NRG1: variants seen among roughly 807,000 people sequenced by gnomAD.
The protein encoded by NRG1 is neuregulin 1.
NRG1 carries 18 observed loss-of-function variants against 63.8 expected under a neutral mutation model. That is an observed-to-expected ratio of 0.28 (90% confidence interval 0.19 to 0.42). NRG1 has a LOEUF of 0.42. NRG1 is among the 10% of genes least tolerant of loss of function. NRG1 has a pLI of 1.00. For synonymous variants in NRG1, 302 were observed against 301.3 expected, an observed-to-expected ratio of 1.00 and a Z score of -0.02; for missense variants, 762 against 814.7, an observed-to-expected ratio of 0.94 and a Z score of 0.79.
chr8:31,828,566 C>T lies in NRG1; in HGVS notation c.37+189135C>T, dbSNP rs539885485. Among the ~76,000 whole-genome samples, 13 of 152,240 alleles carry T rather than the reference C, an allele frequency of 8.5e-5. No homozygotes were observed. The East Asian group carries it at 1.7e-3, about 20-fold the overall frequency. On this transcript the variant is annotated intron_variant, in intron 1 of 10. Transcript: ENST00000519301. ...GGTCTCCTCTGGTGTAAACACCACC[C>T]GCGCTCTGTCCAACAGCATAAGCTA...
At chr8:32,119,975 A>G (rs1156429455) in intron 1 of NRG1, among the ~76,000 whole-genome samples, 1 of 152,064 alleles carries the variant, frequency 6.6e-6, no homozygotes, top group Admixed American at 6.6e-5. Flanking sequence ...TCAAAGTCCT[A>G]TTCTTGTTTT....
chr8:32,482,963 A>G (rs1253147821), intron 1 of NRG1, among the ~76,000 whole-genome samples: 1 of 152,246 alleles, frequency 6.6e-6, no homozygotes, highest in African/African-American at 2.4e-5. Flanking sequence ...ATTTGAGACA[A>G]GGCTTTGATC....
intron 1 of NRG1, among the ~76,000 whole-genome samples, chr8:31,742,455 ATTTTT>A (rs36040084): frequency 3.5e-4 from 28 of 80,022 alleles, no homozygotes; most frequent in Admixed American, 5.6e-4. Context: ...TTTTTTAAGA[ATTTTT>A]TTTTTTTTTT....
In NRG1 at chr8:32,354,293, C is replaced by A. The variant is rs1055260458; in HGVS notation, c.38-241535C>A. Among the ~76,000 whole-genome samples the A allele has an allele frequency of 2.6e-5, 4 of 151,994 alleles. No homozygotes were observed. The South Asian group carries it at 8.3e-4, about 32-fold the overall frequency. On this transcript the variant is annotated intron_variant, in intron 1 of 10. Coordinates refer to the NRG1 transcript ENST00000519301. Reference sequence around the variant, plus strand: ...CTGAGGCAGGAGAATCGCTAGAACCCGGGAGGCAGAGGTTGCAGTGAGCCG... The same window carrying A: ...CTGAGGCAGGAGAATCGCTAGAACCAGGGAGGCAGAGGTTGCAGTGAGCCG...
chr8:32,694,284 G>A (rs867864845), intron 5 of NRG1, among the ~76,000 whole-genome samples: 13 of 152,106 alleles, frequency 8.5e-5, no homozygotes, highest in African/African-American at 1.9e-4. Context: ...GATGTTCATC[G>A]TAATACTTTG....
rs542602885 is a variant in NRG1, at chr8:32,433,693, A to G, written c.38-162135A>G. Among the ~76,000 whole-genome samples, 16 of 152,296 alleles carry G rather than the reference A, an allele frequency of 1.1e-4. No individual in the cohort carries two copies. In the East Asian group the frequency reaches 3.1e-3, roughly 29 times the overall value. On this transcript the variant is annotated intron_variant, in intron 1 of 10. Coordinates refer to the NRG1 transcript ENST00000519301. Reference sequence around the variant, plus strand: ...GCCCGGCAACACAGAAACAATTCTCATCTATGCAGCTCTAAATGGATGTTA... The same window carrying G: ...GCCCGGCAACACAGAAACAATTCTCGTCTATGCAGCTCTAAATGGATGTTA...
chr8:32,493,687 G>A (rs1826863858), intron 1 of NRG1, among the ~76,000 whole-genome samples: 1 of 152,172 alleles, frequency 6.6e-6, no homozygotes, highest in Admixed American at 6.5e-5. Context: ...TCCATTGCCA[G>A]CATCTTTATT....
rs145713902 is a variant in NRG1, at chr8:31,750,873, T to C, written c.37+111442T>C. 4.3e-4 allele frequency among the ~76,000 whole-genome samples: 66 copies of C among 152,074 alleles called. No individual in the cohort carries two copies. In the Middle Eastern group the frequency reaches 0.024, roughly 55 times the overall value. On this transcript the variant is annotated intron_variant, in intron 1 of 10. Transcript: ENST00000519301. ...ACCTCCCTGGTTCCCAGCGTGCTTATATAATTTGACAATATCTTTTGGAGC... is the reference window on the plus strand; with the variant it reads ...ACCTCCCTGGTTCCCAGCGTGCTTACATAATTTGACAATATCTTTTGGAGC...
chr8:32,061,033 T>A (rs1823762844), intron 1 of NRG1, among the ~76,000 whole-genome samples: 1 of 151,974 alleles, frequency 6.6e-6, no homozygotes, highest in Admixed American at 6.6e-5. Context: ...ACTTCTTTTG[T>A]GTTCTGCTAA....
chr8:32,600,332 AC>A (rs1844116903), intron 2 of NRG1, among the ~76,000 whole-genome samples: 2 of 151,528 alleles, frequency 1.3e-5, no homozygotes, highest in African/African-American at 4.8e-5. Context: ...TTGGACACAC[AC>A]ACACACACAC....
intron 1 of NRG1, among the ~76,000 whole-genome samples, chr8:31,676,864 A>G (rs1286193278): frequency 6.6e-6 from 1 of 152,196 alleles, no homozygotes; most frequent in East Asian, 1.9e-4. Context: ...CTACATGGGA[A>G]GTTGTAGAAA....
At chr8:32,456,874 A>G (rs959903098) in intron 1 of NRG1, among the ~76,000 whole-genome samples, 1 of 152,090 alleles carries the variant, frequency 6.6e-6, no homozygotes, top group Non-Finnish European at 1.5e-5. Flanking sequence ...ACTCACGTCT[A>G]TCATCCCAGC....
At chr8:32,309,283 A>G (rs1438256077) in intron 1 of NRG1, among the ~76,000 whole-genome samples, 2 of 152,126 alleles carry the variant, frequency 1.3e-5, no homozygotes, top group Non-Finnish European at 2.9e-5. Context: ...TACACTTAAC[A>G]AAGTAACGCT....
chr8:32,271,452 G>A (rs1240072638), intron 1 of NRG1, among the ~76,000 whole-genome samples: 2 of 152,074 alleles, frequency 1.3e-5, no homozygotes, highest in African/African-American at 4.8e-5. Flanking sequence ...TAAATTCCTG[G>A]GCGAGTTGGG....
intron 1 of NRG1, among the ~76,000 whole-genome samples, chr8:31,689,218 T>C (rs1328484445): frequency 6.6e-6 from 1 of 152,168 alleles, no homozygotes; most frequent in Non-Finnish European, 1.5e-5. Context: ...CCATGTAACA[T>C]AACACATTCA....
intron 1 of NRG1, among the ~76,000 whole-genome samples, chr8:32,092,579 G>A (rs993225073): frequency 6.6e-6 from 1 of 152,176 alleles, no homozygotes; most frequent in East Asian, 1.9e-4. Context: ...GCAGAGCTGC[G>A]GGAGCTCCGG....
intron 1 of NRG1, among the ~76,000 whole-genome samples, chr8:31,660,008 G>T (rs1805813818): frequency 6.6e-6 from 1 of 152,112 alleles, no homozygotes; most frequent in Non-Finnish European, 1.5e-5. Context: ...TCTCAGAGGG[G>T]TTACGGAATT....
intron 7 of NRG1, chr8:32,749,333 CAG>C: frequency 1.7e-6 from 1 of 597,272 alleles, no homozygotes; most frequent in Non-Finnish European, 3.0e-6. Context: ...AATAAAGACA[CAG>C]TGTGCTGGTA....
At chr8:31,919,313 A>G (rs116386030) in intron 1 of NRG1, among the ~76,000 whole-genome samples, 2,627 of 151,694 alleles carry the variant, frequency 0.017, 68 homozygotes, top group African/African-American at 0.059. Context: ...TTTTGGTTAC[A>G]GTTTCTTTGA....
Sources: allele counts gnomAD v4.1 joint callset (sites outside exome capture counted in the v4.1 genomes callset), GRCh38; gene constraint gnomAD v4.1.1; transcripts MANE v1.5; gene names NCBI Gene and HGNC (gene_info 2026-07-23, HGNC 2026-07-21).